MAST4: variants seen among roughly 807,000 people sequenced by gnomAD.
MAST4 encodes the protein microtubule-associated serine/threonine-protein kinase 4.
A neutral mutation model predicts 162.7 loss-of-function variants in MAST4; 89 were observed. The observed-to-expected ratio is 0.55, with a 90% CI of 0.46 to 0.65. The LOEUF (loss-of-function observed/expected upper bound fraction) is 0.65, where lower values mean the gene tolerates loss of function less well. Ranked by LOEUF, MAST4 falls within the 30% of genes least tolerant of loss-of-function variation. MAST4 has a pLI of 0.00. For synonymous variants in MAST4, 1,479 were observed against 1,361.1 expected (o/e 1.09, Z -1.91); for missense variants, 3,153 against 3,374.0 (o/e 0.93, Z 1.62).
intron 4 of MAST4, among the ~76,000 whole-genome samples, chr5:67,003,671 A>C (rs572099306): frequency 8.2e-4 from 125 of 152,300 alleles, no homozygotes; most frequent in Non-Finnish European, 1.5e-3. Context: ...ACAAACATTC[A>C]TGGATAGGGG....
chr5:66,674,981 A>T (rs891067319), intron 1 of MAST4, among the ~76,000 whole-genome samples: 1 of 152,222 alleles, frequency 6.6e-6, no homozygotes, highest in African/African-American at 2.4e-5. Context: ...GAACACAGCC[A>T]GCTTGTGCTG....
intron 4 of MAST4, among the ~76,000 whole-genome samples, chr5:66,958,488 C>A (rs1745593157): frequency 6.6e-6 from 1 of 152,110 alleles, no homozygotes; most frequent in Non-Finnish European, 1.5e-5. Context: ...TACAGCACTG[C>A]GATCTTAAAA....
intron 4 of MAST4, among the ~76,000 whole-genome samples, chr5:66,937,217 C>T (rs572806652): frequency 6.6e-6 from 1 of 152,170 alleles, no homozygotes; most frequent in Non-Finnish European, 1.5e-5. Flanking sequence ...GTACAGTGAA[C>T]AGGACACACA....
At chr5:66,626,467 T>C (rs1744436918) in intron 1 of MAST4, among the ~76,000 whole-genome samples, 1 of 152,214 alleles carries the variant, frequency 6.6e-6, no homozygotes, top group South Asian at 2.1e-4. Context: ...ACTCTTCCGC[T>C]GCACTGTTAG....
chr5:66,833,481 C>T (rs1757753187), intron 3 of MAST4, among the ~76,000 whole-genome samples: 1 of 152,152 alleles, frequency 6.6e-6, no homozygotes, highest in African/African-American at 2.4e-5. Context: ...CTGATCTACT[C>T]CAGGGTAGGC....
At chr5:66,644,991 T>C (rs1437618083) in intron 1 of MAST4, among the ~76,000 whole-genome samples, 1 of 150,084 alleles carries the variant, frequency 6.7e-6, no homozygotes, top group Non-Finnish European at 1.5e-5. Flanking sequence ...GGTCAGTGGA[T>C]GAGCTTCTTG....
intron 1 of MAST4, among the ~76,000 whole-genome samples, chr5:66,710,658 G>T (rs1258972155): frequency 6.6e-6 from 1 of 152,052 alleles, no homozygotes; most frequent in Non-Finnish European, 1.5e-5. Flanking sequence ...GAGAAGCATT[G>T]GTTGGTTGGT....
At chr5:66,977,178 G>A (rs1008745577) in intron 4 of MAST4, among the ~76,000 whole-genome samples, 6 of 152,224 alleles carry the variant, frequency 3.9e-5, no homozygotes, top group East Asian at 1.9e-4. Flanking sequence ...TCGGCTCACC[G>A]TAACTTCCGC....
At chr5:66,872,189 A>G (rs1459492126) in intron 3 of MAST4, among the ~76,000 whole-genome samples, 3 of 141,410 alleles carry the variant, frequency 2.1e-5, no homozygotes, top group Non-Finnish European at 4.6e-5. Flanking sequence ...GTTTGTTTTG[A>G]GTCAAAGTCT....
At chr5:67,121,281 A>G (rs1767551624) in intron 14 of MAST4, among the ~76,000 whole-genome samples, 179 bp downstream of exon 14, 1 of 152,156 alleles carries the variant, frequency 6.6e-6, no homozygotes, top group African/African-American at 2.4e-5. Context: ...ACACCTCATC[A>G]GAAAACATGC....
chr5:67,075,907 C>A (rs1384624886), intron 5 of MAST4, among the ~76,000 whole-genome samples: 1 of 151,204 alleles, frequency 6.6e-6, no homozygotes, highest in African/African-American at 2.4e-5. Flanking sequence ...ATCTTTATTA[C>A]ATGTCTTGGT....
At chr5:66,882,112 T>A (rs1045303012) in intron 3 of MAST4, among the ~76,000 whole-genome samples, 1 of 152,208 alleles carries the variant, frequency 6.6e-6, no homozygotes, top group Non-Finnish European at 1.5e-5. Flanking sequence ...GTTTTGAGAT[T>A]TTTAAATTTT....
At chr5:66,995,235 G>A (rs1046865340) in intron 4 of MAST4, among the ~76,000 whole-genome samples, 5 of 151,988 alleles carry the variant, frequency 3.3e-5, no homozygotes, top group South Asian at 4.2e-4. Context: ...GCATTATTTC[G>A]TGTGTCAAAA....
intron 4 of MAST4, among the ~76,000 whole-genome samples, chr5:67,013,933 G>T (rs1171457355): frequency 2.0e-5 from 3 of 152,142 alleles, no homozygotes; most frequent in African/African-American, 7.2e-5. Flanking sequence ...TCTTATGTCT[G>T]ATTTGAGTGG....
Position 67,076,124 on chromosome 5 carries a change from C to T in MAST4, c.764-14038C>T, listed in dbSNP as rs149563528. ...GAAAAAAAAAATTGAGCATGAGCAC[C>T]CTGCAGGATTTGATACCAGGAACCA... On this transcript the variant is annotated intron_variant, in intron 5 of 28. Coordinates refer to ENST00000403625, the MANE Select transcript of MAST4 (RefSeq NM_001164664.2). 3.3e-5 allele frequency among the ~76,000 whole-genome samples: 5 copies of T among 152,200 alleles called. No individual in the cohort carries two copies. In the East Asian group the frequency reaches 9.7e-4, roughly 29 times the overall value.
At chr5:66,717,888 T>A (rs1750940835) in intron 1 of MAST4, among the ~76,000 whole-genome samples, 1 of 152,200 alleles carries the variant, frequency 6.6e-6, no homozygotes, top group African/African-American at 2.4e-5. Context: ...ATAGCCCTGC[T>A]CACTGCCTGA....
At chr5:67,035,743 C>T (rs1755939491) in intron 4 of MAST4, among the ~76,000 whole-genome samples, 1 of 152,150 alleles carries the variant, frequency 6.6e-6, no homozygotes, top group Admixed American at 6.5e-5. Flanking sequence ...ACACAATGCC[C>T]ACCATGGAGC....
Position 66,695,141 on chromosome 5 carries a change from T to C in MAST4, c.364-64568T>C, listed in dbSNP as rs191378195. Among the ~76,000 whole-genome samples, 8 of 152,332 alleles carry C rather than the reference T, an allele frequency of 5.3e-5. No individual in the cohort carries two copies. In the East Asian group the frequency reaches 1.5e-3, roughly 29 times the overall value. On this transcript the variant is annotated intron_variant, in intron 1 of 28. Transcript: ENST00000403625. ...TTTCTAGATTTTCTTCTAGTGTTTT[T>C]ATAGTTTTGCATTTTACATTTAAGT...
At chr5:66,682,570 A>T (rs1337312525) in intron 1 of MAST4, among the ~76,000 whole-genome samples, 2 of 152,164 alleles carry the variant, frequency 1.3e-5, no homozygotes, top group Non-Finnish European at 2.9e-5. Flanking sequence ...CTATCCTTAG[A>T]ACTGTTATGT....
Sources: gnomAD v4.1 joint callset for allele counts (sites outside exome capture counted in the v4.1 genomes callset) on GRCh38, gnomAD v4.1.1 for gene constraint, MANE v1.5 for transcripts, NCBI Gene and HGNC (gene_info 2026-07-23, HGNC 2026-07-21) for gene names.